LPCAT2: variants seen among roughly 807,000 people sequenced by gnomAD.
LPCAT2 encodes 1-AGP acyltransferase 11.
In LPCAT2, 58 loss-of-function variants were observed where a neutral mutation model predicts 64.7. That is an observed-to-expected ratio of 0.90 (90% CI 0.73 to 1.12). The LOEUF (loss-of-function observed/expected upper bound fraction) is 1.12, where lower values mean the gene tolerates loss of function less well. Among genes scored for constraint, LPCAT2 ranks in the 50% most tolerant of loss-of-function variants. LPCAT2 has a pLI of 0.00. For synonymous variants in LPCAT2, 252 were observed against 245.3 expected, an observed-to-expected ratio of 1.03 and a Z score of -0.26; for missense variants, 579 against 669.8, an observed-to-expected ratio of 0.86 and a Z score of 1.50.
At chr16:55,567,389 C>T in intron 11 of LPCAT2, 1 of 1,613,812 alleles carries the variant, frequency 6.2e-7, no homozygotes, top group Non-Finnish European at 8.5e-7. Context: ...ATTTCATCAG[C>T]TGCTTGGTCC....
At chr16:55,517,611 G>T (rs1283502565) in intron 1 of LPCAT2, among the ~76,000 whole-genome samples, 2 of 152,070 alleles carry the variant, frequency 1.3e-5, no homozygotes, top group East Asian at 1.9e-4. Flanking sequence ...CTAGCAAACT[G>T]AATCCAGCAA....
chr16:55,537,077 T>C (rs1255797035), intron 7 of LPCAT2, among the ~76,000 whole-genome samples: 1 of 152,202 alleles, frequency 6.6e-6, no homozygotes, highest in Non-Finnish European at 1.5e-5. Flanking sequence ...CCTTAAAATG[T>C]GGCCTTGGGT....
At chr16:55,560,892 T>G (rs533462720) in intron 11 of LPCAT2, among the ~76,000 whole-genome samples, 41 of 152,164 alleles carry the variant, frequency 2.7e-4, no homozygotes, top group African/African-American at 9.6e-4. Context: ...TTTACCAAGT[T>G]GTGCAGTCAT....
Position 55,586,550 on chromosome 16 carries a change from A to C in LPCAT2, c.*3452A>C, listed in dbSNP as rs1963949568. ...TTTTCAAAGTTTCTTACATTTTCCAATGTCATTAAAATTCTCTGTGAATGT... is the reference window on the plus strand; with the variant it reads ...TTTTCAAAGTTTCTTACATTTTCCACTGTCATTAAAATTCTCTGTGAATGT... On this transcript the variant is annotated 3_prime_UTR_variant, in exon 14 of 14. Transcript: ENST00000262134. 1 of 151,340 alleles carries C rather than the reference A, an allele frequency of 6.6e-6. No homozygotes were observed. Among genetic ancestry groups the C allele is most frequent in the Non-Finnish European group, 1.5e-5 (1 of 68,000 alleles). The allele number at this position is 151,340 out of a possible 1,614,324, so 9.4% of individuals were successfully genotyped here. A position where few individuals can be genotyped will look rare whatever the true frequency, so the allele number is the denominator to read the frequency against.
chr16:55,546,676 T>C (rs537935968), intron 9 of LPCAT2, among the ~76,000 whole-genome samples: 1 of 152,352 alleles, frequency 6.6e-6, no homozygotes, highest in South Asian at 2.1e-4. Flanking sequence ...AGAATAACTA[T>C]TTTCAAAATA....
intron 9 of LPCAT2, 50 bp downstream of exon 9, chr16:55,545,867 G>A: frequency 7.1e-7 from 1 of 1,410,266 alleles, no homozygotes; most frequent in African/African-American, 1.4e-5. Context: ...AAAATTATTT[G>A]TGCATGTCGT....
intron 10 of LPCAT2, among the ~76,000 whole-genome samples, chr16:55,550,036 C>T (rs1227640332): frequency 6.6e-6 from 1 of 152,066 alleles, no homozygotes; most frequent in Admixed American, 6.5e-5. Context: ...TAATTAACAT[C>T]CTGTCTATGA....
chr16:55,550,744 T>C (rs1963507227), intron 10 of LPCAT2, among the ~76,000 whole-genome samples: 2 of 152,190 alleles, frequency 1.3e-5, no homozygotes, highest in Admixed American at 6.5e-5. Context: ...TGAAACCCCA[T>C]CTCTCCTAAA....
intron 11 of LPCAT2, among the ~76,000 whole-genome samples, chr16:55,561,177 T>C (rs1466099120): frequency 1.3e-5 from 2 of 152,036 alleles, no homozygotes; most frequent in African/African-American, 4.8e-5. Context: ...ATTGTATTCT[T>C]TTATGTGGAT....
intron 10 of LPCAT2, among the ~76,000 whole-genome samples, chr16:55,549,931 A>T (rs1327640255): frequency 1.3e-4 from 20 of 152,092 alleles, no homozygotes; most frequent in Admixed American, 1.3e-3. Context: ...ATTCTTGTTG[A>T]GCTTTTCGCT....
intron 1 of LPCAT2, among the ~76,000 whole-genome samples, chr16:55,512,413 A>G (rs1962945872): frequency 6.6e-6 from 1 of 152,196 alleles, no homozygotes; most frequent in Non-Finnish European, 1.5e-5. Flanking sequence ...TAATACTTCT[A>G]TACTGTGTAA....
At chr16:55,574,817 T>C in intron 12 of LPCAT2, 88 bp downstream of exon 12, 1 of 920,420 alleles carries the variant, frequency 1.1e-6, no homozygotes, top group Non-Finnish European at 1.8e-6. Context: ...AGTGAATCTA[T>C]TATGTGATTT....
chr16:55,512,461 C>A (rs1263251656), intron 1 of LPCAT2, among the ~76,000 whole-genome samples: 1 of 152,084 alleles, frequency 6.6e-6, no homozygotes, highest in African/African-American at 2.4e-5. Flanking sequence ...AAGGTTATCA[C>A]TTGACACCAC....
intron 11 of LPCAT2, among the ~76,000 whole-genome samples, chr16:55,570,725 G>T (rs1963760739): frequency 6.6e-6 from 1 of 152,160 alleles, no homozygotes; most frequent in African/African-American, 2.4e-5. Context: ...TGATCTTGAA[G>T]AACCTTCAGA....
chr16:55,552,613 A>C (rs1336509555), intron 11 of LPCAT2, among the ~76,000 whole-genome samples: 5 of 152,224 alleles, frequency 3.3e-5, no homozygotes, highest in African/African-American at 1.2e-4. Context: ...TATCACAATA[A>C]AGTGAGCCAT....
At chr16:55,547,180 T>C (rs1000676964) in intron 9 of LPCAT2, among the ~76,000 whole-genome samples, 3 of 152,054 alleles carry the variant, frequency 2.0e-5, no homozygotes, top group Admixed American at 1.3e-4. Flanking sequence ...AGAGAACTTA[T>C]ATCAGATATT....
At chr16:55,524,122 T>C (rs1356737614) in intron 1 of LPCAT2, among the ~76,000 whole-genome samples, 1 of 151,846 alleles carries the variant, frequency 6.6e-6, no homozygotes, top group African/African-American at 2.4e-5. Context: ...TAAAGGCTTG[T>C]ACAAGAATGT....
At chr16:55,577,951 C>G (rs963249319) in intron 12 of LPCAT2, among the ~76,000 whole-genome samples, 7 of 152,194 alleles carry the variant, frequency 4.6e-5, no homozygotes, top group Admixed American at 2.6e-4. Context: ...TCAGGATCCT[C>G]TAATAATCAA....
intron 2 of LPCAT2, among the ~76,000 whole-genome samples, chr16:55,527,037 TATC>T (rs1205189453): frequency 6.6e-6 from 1 of 152,266 alleles, no homozygotes; most frequent in Non-Finnish European, 1.5e-5. Context: ...ATACACTTCA[TATC>T]ATTACATGAG....
Sources: gnomAD v4.1 joint callset for allele counts (sites outside exome capture counted in the v4.1 genomes callset) on GRCh38, gnomAD v4.1.1 for gene constraint, MANE v1.5 for transcripts, NCBI Gene and HGNC (gene_info 2026-07-23, HGNC 2026-07-21) for gene names.